The following GLI3 variants were observed in gnomAD, a reference collection of about 807,000 sequenced individuals.
GLI3 encodes transcription activator GLI3.
GLI3 carries 20 observed loss-of-function variants against 100.8 expected under a neutral mutation model. The ratio of observed to expected loss-of-function variants is 0.20; its 90% CI spans 0.14 to 0.29. The LOEUF is 0.29. GLI3 is among the 10% of genes least tolerant of loss of function. The probability of loss-of-function intolerance (pLI) is 1.00; values close to 1 mark genes in which losing one functional copy is unlikely to be tolerated. For missense variants in GLI3, 2,040 were observed against 2,128.5 expected, an observed-to-expected ratio of 0.96 and a Z score of 0.82; for synonymous variants, 938 against 860.5, an observed-to-expected ratio of 1.09 and a Z score of -1.58.
At chr7:41,981,210 G>A (rs1456275386) in intron 10 of GLI3, among the ~76,000 whole-genome samples, 1 of 152,216 alleles carries the variant, frequency 6.6e-6, no homozygotes, top group Non-Finnish European at 1.5e-5. Flanking sequence ...ACTGGCCAGG[G>A]AGAGACTGCC....
At chr7:42,183,231 T>TA (rs962805385) in intron 2 of GLI3, among the ~76,000 whole-genome samples, 234 of 151,256 alleles carry the variant, frequency 1.5e-3, no homozygotes, top group African/African-American at 5.4e-3. Flanking sequence ...CTCAAAAAAT[T>TA]AAAAAAAAAT....
chr7:42,213,940 A>G (rs1248124880), intron 2 of GLI3, among the ~76,000 whole-genome samples: 1 of 152,234 alleles, frequency 6.6e-6, no homozygotes, highest in African/African-American at 2.4e-5. Context: ...ACCCTTAAAC[A>G]TGGGTACAAA....
chr7:42,118,242 A>T (rs1583572940), intron 3 of GLI3: 2 of 398,672 alleles, frequency 5.0e-6, no homozygotes, highest in East Asian at 7.1e-5. Flanking sequence ...AGTCCCAAAT[A>T]GTTTCCACGG....
chr7:42,246,487 G>T (rs373958757), intron 1 of GLI3, among the ~76,000 whole-genome samples: 1 of 152,154 alleles, frequency 6.6e-6, no homozygotes, highest in Non-Finnish European at 1.5e-5. Context: ...GTTAGCAATT[G>T]TATGCTTTCT....
chr7:42,244,440 T>A (rs1255476475), intron 1 of GLI3, among the ~76,000 whole-genome samples: 1 of 152,204 alleles, frequency 6.6e-6, no homozygotes, highest in Non-Finnish European at 1.5e-5. Context: ...ACCAGCACTT[T>A]TGTATGAAGT....
chr7:42,099,097 G>A (rs1785403159), intron 3 of GLI3, among the ~76,000 whole-genome samples: 1 of 152,160 alleles, frequency 6.6e-6, no homozygotes, highest in African/African-American at 2.4e-5. Context: ...GGCTGAGTGA[G>A]TTCTGCCCAG....
At chr7:42,063,358 C>G (rs1236701281) in intron 4 of GLI3, among the ~76,000 whole-genome samples, 1 of 152,038 alleles carries the variant, frequency 6.6e-6, no homozygotes, top group Non-Finnish European at 1.5e-5. Context: ...TCTAAAGGTG[C>G]AAAATTGTGT....
chr7:42,107,898 C>CT (rs1785613416), intron 3 of GLI3, among the ~76,000 whole-genome samples: 1 of 152,132 alleles, frequency 6.6e-6, no homozygotes, highest in Non-Finnish European at 1.5e-5. Flanking sequence ...CGGTGGCGTG[C>CT]TGGATTTTTT....
intron 2 of GLI3, among the ~76,000 whole-genome samples, chr7:42,162,753 T>C (rs1787155823): frequency 6.6e-6 from 1 of 152,120 alleles, no homozygotes; most frequent in African/African-American, 2.4e-5. Flanking sequence ...ATAAAATGAA[T>C]GCACCTCAGA....
chr7:41,965,954 T>A lies in GLI3; in HGVS notation c.3119A>T (p.Glu1040Val), dbSNP rs376477553. Residue 1040 changes from glutamate (E) to valine (V), a missense_variant, in exon 15 of 15, where the codon GAG (glutamate) becomes GTG (valine). Glu to Val is a moderately radical substitution (Grantham distance 121). Transcript: ENST00000395925. Reference protein sequence around the residue: ...CNPPAMATSAEKRSLVLQNYT... With the variant: ...CNPPAMATSAVKRSLVLQNYT... ...ATTCTGAAGCACGAGACTGCGCTTC[T>A]CCGCGGACGTGGCCATCGCCGGGGG... 3.0e-5 allele frequency: 48 copies of A among 1,611,012 alleles called. No individual in the cohort carries two copies. Among genetic ancestry groups the A allele is most frequent in the Middle Eastern group, 3.3e-4 (2 of 6,082 alleles).
At chr7:42,088,232 AC>A (rs1449679432) in intron 3 of GLI3, among the ~76,000 whole-genome samples, 1 of 152,140 alleles carries the variant, frequency 6.6e-6, no homozygotes, top group East Asian at 1.9e-4. Context: ...AGTCCGAAAT[AC>A]CTTTCTTCTT....
chr7:42,053,098 C>G (rs10248372), intron 4 of GLI3, among the ~76,000 whole-genome samples: 1 of 152,104 alleles, frequency 6.6e-6, no homozygotes, highest in Non-Finnish European at 1.5e-5. Context: ...AGGGTTCAAG[C>G]GATTCTCCTG....
At chr7:42,145,707 T>A in intron 3 of GLI3, 1 of 397,144 alleles carries the variant, frequency 2.5e-6, no homozygotes, top group Non-Finnish European at 4.4e-6. Flanking sequence ...TATCACATAT[T>A]GATGATGATG....
At chr7:42,232,905 TA>T (rs1788721694) in intron 1 of GLI3, among the ~76,000 whole-genome samples, 1 of 152,016 alleles carries the variant, frequency 6.6e-6, no homozygotes, top group South Asian at 2.1e-4. Flanking sequence ...CTTTCACATT[TA>T]AAAAAACCAA....
intron 13 of GLI3, among the ~76,000 whole-genome samples, chr7:41,968,752 G>GAA (rs1485662763): frequency 8.2e-6 from 1 of 121,384 alleles, no homozygotes; most frequent in African/African-American, 3.6e-5. Context: ...AAGAAAGAAA[G>GAA]AAAGAAAGAA....
intron 1 of GLI3, among the ~76,000 whole-genome samples, chr7:42,224,490 A>C (rs1481802471): frequency 6.6e-6 from 1 of 152,240 alleles, no homozygotes; most frequent in Non-Finnish European, 1.5e-5. Context: ...TAAGAACCAG[A>C]GGCCACATGG....
In GLI3 at chr7:41,965,525, G is replaced by A. The variant is rs1787143477; in HGVS notation, c.3548C>T (p.Pro1183Leu). 2 of 1,605,494 alleles carry A rather than the reference G, an allele frequency of 1.2e-6. No homozygotes were observed. Among genetic ancestry groups the A allele is most frequent in the Admixed American group, 1.7e-5 (1 of 59,830 alleles). ...SSSKLKCGPRPAVPQTRAFGF... is the reference protein window; with the variant it reads ...SSSKLKCGPRLAVPQTRAFGF... ...AAAGGCGCGAGTCTGCGGCACAGCG[G>A]GCCGCGGCCCACACTTGAGCTTGGA... Residue 1183 changes from proline (P) to leucine (L), a missense_variant, in exon 15 of 15, where the codon CCC (proline) becomes CTC (leucine). Transcript: ENST00000395925.
At chr7:42,177,971 G>A in intron 2 of GLI3, among the ~76,000 whole-genome samples, 1 of 152,196 alleles carries the variant, frequency 6.6e-6, no homozygotes, top group South Asian at 2.1e-4. Context: ...GGTGCACCAA[G>A]GATGATAAAA....
chr7:42,041,659 C>T (rs1037680392), intron 6 of GLI3, among the ~76,000 whole-genome samples: 1 of 152,004 alleles, frequency 6.6e-6, no homozygotes, highest in African/African-American at 2.4e-5. Flanking sequence ...AAAAAAATGT[C>T]CAGGCTCTTG....
Sources: gnomAD v4.1 joint callset for allele counts (sites outside exome capture counted in the v4.1 genomes callset) on GRCh38, gnomAD v4.1.1 for gene constraint, MANE v1.5 for transcripts, NCBI Gene and HGNC (gene_info 2026-07-23, HGNC 2026-07-21) for gene names.